Variants in SLC12A9 observed in about 807,000 individuals in gnomAD.
The protein encoded by SLC12A9 is solute carrier family 12 member 9, also known as CCC-interacting protein 1.
Under a neutral mutation model 66.0 loss-of-function variants are expected in SLC12A9, and 55 were observed. The ratio of observed to expected loss-of-function variants is 0.83; its 90% CI spans 0.67 to 1.04. The LOEUF (loss-of-function observed/expected upper bound fraction) is 1.04. Ranked by LOEUF, SLC12A9 falls within the 50% of genes least tolerant of loss-of-function variation. The pLI, the probability that SLC12A9 is intolerant of heterozygous loss-of-function variation, is 0.00. For missense variants in SLC12A9, 1,061 were observed against 1,241.9 expected (o/e 0.85, Z 2.19); for synonymous variants, 577 against 569.0 (o/e 1.01, Z -0.20).
intron 1 of SLC12A9, among the ~76,000 whole-genome samples, chr7:100,833,502 AC>A (rs1039722882): frequency 4.0e-5 from 6 of 150,748 alleles, no homozygotes; most frequent in South Asian, 2.1e-4. Flanking sequence ...AAGCAAAAAA[AC>A]AAAACAAAAC....
intron 13 of SLC12A9, among the ~76,000 whole-genome samples, chr7:100,864,166 C>T (rs555670301): frequency 5.3e-5 from 8 of 150,968 alleles, no homozygotes; most frequent in Non-Finnish European, 8.8e-5. Context: ...GCAACCTCTG[C>T]CTCCCGGGTT....
rs762142660 is a variant in SLC12A9, at chr7:100,859,996, T to C, written c.1089T>C (p.Ile363=). 6.8e-6 allele frequency: 11 copies of C among 1,613,528 alleles called. No individual in the cohort carries two copies. The South Asian group carries it at 7.7e-5, about 11-fold the overall frequency. ...TCTCAGCGTCCATGAGCTCGCTCAT[T>C]GGTGCCTCCCGCATCCTCCATGCCC... ...TALSASMSSL[I]GASRILHALA... Residue 363 remains isoleucine (I), a synonymous_variant, in exon 8 of 14, where the codon ATT becomes ATC. Coordinates refer to ENST00000354161, the MANE Select transcript of SLC12A9 (RefSeq NM_020246.4).
intron 1 of SLC12A9, chr7:100,837,528 C>A (rs1361474183): frequency 1.3e-5 from 2 of 152,238 alleles, no homozygotes; most frequent in Admixed American, 6.5e-5. Context: ...GTGGGCAGCA[C>A]GCCCCAGGCC....
rs781643043 is a variant in SLC12A9, at chr7:100,859,141, C to G, written c.957C>G (p.Leu319=). The part of the protein sequence containing the change: ...TFFVYVLLFF[L]SSFTCDRTLL... ...TCGTCTATGTCCTGCTTTTCTTTCT[C>G]TCCAGCTTCACTTGTGACAGGTGTC... Residue 319 remains leucine (L), a synonymous_variant, in exon 7 of 14, where the codon CTC becomes CTG. Transcript: ENST00000354161. The G allele has an allele frequency of 1.9e-6, 3 of 1,614,040 alleles. No individual in the cohort carries two copies. The highest frequency in any genetic ancestry group is 2.2e-5 in the South Asian group (2 of 91,088).
rs1205963092 is a variant in SLC12A9 at position 100,857,030 on chromosome 7, T to C, written c.611T>C (p.Leu204Pro). ...ACATTCCTGCTGGTCTCTGGCTCCC[T>C]GGCCTCTGTGCTCATCAGTTTTGTG... ...FLTFLLVSGSLASVLISFVAV... is the reference protein window; with the variant it reads ...FLTFLLVSGSPASVLISFVAV... The change falls in exon 5 of 14, where the codon CTG (leucine) becomes CCG (proline). Residue 204 changes from leucine (L) to proline (P), a missense_variant. Physicochemically the swap from Leu to Pro is moderately conservative, Grantham distance 98. Transcript: ENST00000354161. 1.2e-6 allele frequency: 2 copies of C among 1,614,230 alleles called. No individual in the cohort carries two copies. Among genetic ancestry groups the C allele is most frequent in the Admixed American group, 1.7e-5 (1 of 60,032 alleles).
At position 100,866,368 on chromosome 7, in the gene SLC12A9, C is replaced by T. The variant is rs1815096484; in HGVS notation, c.2508C>T (p.Ser836=). ...CAGAGGCAGAGGCCCTGGCACGCAG[C>T]GCCAACGCCCTGGTTCGGGCCCAGC... ...GDAEAEALAR[S]ANALVRAQQG... Residue 836 remains serine, a synonymous_variant, in exon 14 of 14, where the codon AGC becomes AGT. Transcript: ENST00000354161. The surrounding 1 kb of genome is among the most constrained non-coding windows in gnomAD (Gnocchi z 7.3). 3 of 1,515,174 alleles carry T rather than the reference C, an allele frequency of 2.0e-6. No homozygotes were observed. The highest frequency in any genetic ancestry group is 1.8e-6 in the Non-Finnish European group (2 of 1,128,306). 93.9% of individuals were successfully genotyped at this position (1,515,174 alleles called of 1,614,324 possible).
At chr7:100,863,976 G>A (rs1814920439) in intron 13 of SLC12A9, among the ~76,000 whole-genome samples, 1 of 152,162 alleles carries the variant, frequency 6.6e-6, no homozygotes, top group Admixed American at 6.5e-5. Context: ...ACATCTGAGA[G>A]CCTGGTCTTC....
intron 13 of SLC12A9, 151 bp downstream of exon 13, chr7:100,862,978 TCAGA>T (rs1814851727): frequency 1.1e-6 from 1 of 936,974 alleles, no homozygotes; most frequent in Non-Finnish European, 1.6e-6. Context: ...GATAATAGCC[TCAGA>T]CAGTGTGTGA....
In SLC12A9 at chr7:100,859,969, G is replaced by T. The variant is rs140502011; in HGVS notation, c.1062G>T (p.Ala354=). Residue 354 remains alanine, a synonymous_variant, in exon 8 of 14, where the codon GCG becomes GCT. Coordinates refer to ENST00000354161, the MANE Select transcript of SLC12A9 (RefSeq NM_020246.4). ...PLVLIGIYAT[A]LSASMSSLIG... ...TGTTGATCGGAATCTATGCCACAGC[G>T]CTCTCAGCGTCCATGAGCTCGCTCA... 10 of 1,613,086 alleles carry T rather than the reference G, an allele frequency of 6.2e-6. No homozygotes were observed. The Admixed American group carries it at 8.3e-5, about 13-fold the overall frequency.
At chr7:100,839,910 G>GT (rs1243702882) in intron 1 of SLC12A9, among the ~76,000 whole-genome samples, 4 of 151,548 alleles carry the variant, frequency 2.6e-5, no homozygotes. Flanking sequence ...GGGCGTGGTG[G>GT]TGGGTGCCTG....
At chr7:100,865,470 G>T (rs1815018205) in intron 13 of SLC12A9, 1 of 1,533,650 alleles carries the variant, frequency 6.5e-7, no homozygotes, top group Admixed American at 2.0e-5. Context: ...AGAATCCTAA[G>T]GCGAACTTTG....
chr7:100,860,229 G>A lies in SLC12A9; in HGVS notation c.1215G>A (p.Val405=). 6.2e-7 allele frequency: 1 copy of A among 1,613,972 alleles called. No homozygotes were observed. The change falls in exon 9 of 14, where the codon GTG becomes GTA. Residue 405 remains valine, a synonymous_variant. Transcript: ENST00000354161. ...CTGTACTTTATTCTTGGGGCCTGGT[G>A]CAGGTGAGCCTTCTTCTTCAAGGGG... ...WAAVLYSWGL[V]QLVLLAGKLN...
At chr7:100,854,474 AC>A in intron 2 of SLC12A9, 96 bp downstream of exon 2, 1 of 1,587,408 alleles carries the variant, frequency 6.3e-7, no homozygotes, top group Non-Finnish European at 8.6e-7. Flanking sequence ...TAGGAAGGGG[AC>A]CCAAGAGAAG....
At chr7:100,826,975 T>A in exon 1 of SLC12A9, 2 of 1,517,654 alleles carry the variant, frequency 1.3e-6, no homozygotes, top group Non-Finnish European at 1.8e-6. Flanking sequence ...GCAAGGAAAC[T>A]CACCTTCCAA....
At chr7:100,833,058 G>A (rs1366358348) in intron 1 of SLC12A9, among the ~76,000 whole-genome samples, 1 of 152,130 alleles carries the variant, frequency 6.6e-6, no homozygotes, top group Non-Finnish European at 1.5e-5. Flanking sequence ...TTACAGGTGT[G>A]ATCCACTGCA....
At chr7:100,837,891 T>G (rs1813699163) in intron 1 of SLC12A9, among the ~76,000 whole-genome samples, 1 of 144,494 alleles carries the variant, frequency 6.9e-6, no homozygotes, top group East Asian at 2.0e-4. Flanking sequence ...GACAGAGTCT[T>G]GCTCTGTTGC....
Position 100,855,762 on chromosome 7 carries a change from T to C in SLC12A9, c.373T>C (p.Tyr125His), listed in dbSNP as rs1166995792. Reference sequence around the variant, plus strand: ...CGGGGGCAGCATTGGGCTCATGTTCTACCTGGCTAACGTCTGTGGCTGTGC... The same window carrying C: ...CGGGGGCAGCATTGGGCTCATGTTCCACCTGGCTAACGTCTGTGGCTGTGC... ...EVGGSIGLMFYLANVCGCAVS... is the reference protein window; with the variant it reads ...EVGGSIGLMFHLANVCGCAVS... The change falls in exon 4 of 14, where the codon TAC (tyrosine) becomes CAC (histidine). Residue 125 changes from tyrosine to histidine, a missense_variant. By Grantham distance (83) the Tyr-to-His change is moderately conservative (BLOSUM62 2). Transcript: ENST00000354161. 3 of 1,614,092 alleles carry C rather than the reference T, an allele frequency of 1.9e-6. No homozygotes were observed. The highest frequency in any genetic ancestry group is 1.3e-5 in the African/African-American group (1 of 74,952).
Position 100,860,220 on chromosome 7 carries a change from G to T in SLC12A9, c.1206G>T (p.Trp402Cys), listed in dbSNP as rs763469064. 4.3e-6 allele frequency: 7 copies of T among 1,614,082 alleles called. No homozygotes were observed. Among genetic ancestry groups the T allele is most frequent in the Non-Finnish European group, 5.9e-6 (7 of 1,179,958 alleles). The change falls in exon 9 of 14, where the codon TGG (tryptophan) becomes TGT (cysteine). Residue 402 changes from tryptophan to cysteine, a missense_variant. Transcript: ENST00000354161. ...GNPWAAVLYS[W>C]GLVQLVLLAG... Reference sequence around the variant, plus strand: ...CCTGGGCAGCTGTACTTTATTCTTGGGGCCTGGTGCAGGTGAGCCTTCTTC... The same window carrying T: ...CCTGGGCAGCTGTACTTTATTCTTGTGGCCTGGTGCAGGTGAGCCTTCTTC...
At chr7:100,859,191 C>A in intron 7 of SLC12A9, 30 bp downstream of exon 7, 1 of 1,597,902 alleles carries the variant, frequency 6.3e-7, no homozygotes, top group South Asian at 1.1e-5. Context: ...GGTGGAGTGT[C>A]GAACAAGATT....
Sources: allele counts gnomAD v4.1 joint callset (sites outside exome capture counted in the v4.1 genomes callset), GRCh38; gene constraint gnomAD v4.1.1; non-coding constraint Gnocchi (gnomAD v3.1); transcripts MANE v1.5; gene names NCBI Gene and HGNC (gene_info 2026-07-23, HGNC 2026-07-21).